LTBP1: variants seen among roughly 807,000 people sequenced by gnomAD.
The protein encoded by LTBP1 is latent-transforming growth factor beta-binding protein 1.
Under a neutral mutation model 207.6 loss-of-function variants are expected in LTBP1, and 129 were observed. That is an observed-to-expected ratio of 0.62 (90% CI 0.54 to 0.72). The LOEUF is 0.72. Ranked by LOEUF, LTBP1 falls within the 30% of genes least tolerant of loss-of-function variation. The probability of loss-of-function intolerance (pLI) is 0.00; values close to 1 mark genes in which losing one functional copy is unlikely to be tolerated. For synonymous variants in LTBP1, 963 were observed against 833.7 expected, an observed-to-expected ratio of 1.16 and a Z score of -2.67; for missense variants, 2,281 against 2,217.2, an observed-to-expected ratio of 1.03 and a Z score of -0.58.
At position 33,363,410 on chromosome 2, in the gene LTBP1, T is replaced by C. The variant is rs370127544; in HGVS notation, c.4291T>C (p.Phe1431Leu). The C allele has an allele frequency of 2.9e-5, 47 of 1,613,710 alleles. No individual in the cohort carries two copies. Among genetic ancestry groups the C allele is most frequent in the Non-Finnish European group, 3.8e-5 (45 of 1,179,754 alleles). ...NYKDADECLLFGQEICKNGFC... is the reference protein window; with the variant it reads ...NYKDADECLLLGQEICKNGFC... ...CGTAGATGCAGATGAATGCCTACTT[T>C]TTGGACAAGAAATCTGCAAAAATGG... The change falls in exon 29 of 34, where the codon TTT (phenylalanine) becomes CTT (leucine). Residue 1431 changes from phenylalanine to leucine, a missense_variant. Phe to Leu is a conservative substitution (Grantham distance 22). Transcript: ENST00000404816.
chr2:33,239,092 A>C (rs1476519499), intron 9 of LTBP1, among the ~76,000 whole-genome samples: 3 of 152,212 alleles, frequency 2.0e-5, no homozygotes, highest in African/African-American at 4.8e-5. Flanking sequence ...TTTAGAAGAA[A>C]AGCAGTTTTG....
chr2:33,095,338 TC>T (rs1471623492), intron 3 of LTBP1, among the ~76,000 whole-genome samples: 1 of 152,288 alleles, frequency 6.6e-6, no homozygotes, highest in East Asian at 1.9e-4. Context: ...TATAAACTCT[TC>T]CCAAATTTCT....
rs1300938977 is a variant in LTBP1 at position 33,299,240 on chromosome 2, C to CAAA, written c.3236-1197_3236-1195dup. Among the ~76,000 whole-genome samples the CAAA allele has an allele frequency of 5.1e-4, 40 of 78,898 alleles. No individual in the cohort carries two copies. In the South Asian group the frequency reaches 0.014, roughly 27 times the overall value. 51.8% of individuals were successfully genotyped at this position (78,898 alleles called of 152,430 possible). A position where few individuals can be genotyped will look rare whatever the true frequency, so the allele number is the denominator to read the frequency against. On this transcript the variant is annotated intron_variant, in intron 20 of 33. Coordinates refer to ENST00000404816, the MANE Select transcript of LTBP1 (RefSeq NM_206943.4). Reference sequence around the variant, plus strand: ...TTGGCGACAGAGCGAGACTCTGTCTCAAAAAAAAAAAAAAAAGAAGTTTGG... The same window carrying CAAA: ...TTGGCGACAGAGCGAGACTCTGTCTCAAAAAAAAAAAAAAAAAAAGAAGTTTGG...
chr2:32,958,693 TTTTTC>T (rs1678493270), intron 2 of LTBP1, among the ~76,000 whole-genome samples: 1 of 152,260 alleles, frequency 6.6e-6, no homozygotes, highest in African/African-American at 2.4e-5. Context: ...GAAAGAATTC[TTTTTC>T]TTTTCTTTGT....
At chr2:33,266,191 T>C (rs1478909227) in intron 15 of LTBP1, among the ~76,000 whole-genome samples, 1 of 152,236 alleles carries the variant, frequency 6.6e-6, no homozygotes, top group Non-Finnish European at 1.5e-5. Context: ...GCCCAAGTGC[T>C]ATTGCAACCC....
In LTBP1 at chr2:33,108,097, C is replaced by T. The variant is rs551350536; in HGVS notation, c.864-2485C>T. Among the ~76,000 whole-genome samples, 76 of 152,248 alleles carry T rather than the reference C, an allele frequency of 5.0e-4. No individual in the cohort carries two copies. The South Asian group carries it at 0.013, about 26-fold the overall frequency. Reference sequence around the variant, plus strand: ...TAGAGGAAACAGTGGACACCAACCACGAAGGAGAAAGTGAGGAAGAGAGTG... The same window carrying T: ...TAGAGGAAACAGTGGACACCAACCATGAAGGAGAAAGTGAGGAAGAGAGTG... On this transcript the variant is annotated intron_variant, in intron 3 of 33. Transcript: ENST00000404816.
chr2:32,971,004 G>T (rs928943813), intron 2 of LTBP1, among the ~76,000 whole-genome samples: 204 of 11,152 alleles, frequency 0.018, 1 homozygote, highest in African/African-American at 0.024. Context: ...CTAGGTATTT[G>T]TGTGTGTGTG....
chr2:33,329,147 C>A (rs1345259624), intron 24 of LTBP1, among the ~76,000 whole-genome samples: 1 of 152,188 alleles, frequency 6.6e-6, no homozygotes, highest in Non-Finnish European at 1.5e-5. Context: ...GGTTAAGAGT[C>A]TCAGATCCAC....
At chr2:33,301,904 A>G (rs2093994754) in intron 22 of LTBP1, among the ~76,000 whole-genome samples, 2 of 152,212 alleles carry the variant, frequency 1.3e-5, no homozygotes, top group Admixed American at 6.5e-5. Context: ...TTTACCAGCT[A>G]TAGATGGTTT....
intron 2 of LTBP1, among the ~76,000 whole-genome samples, chr2:32,954,286 C>A (rs1046572130): frequency 6.6e-6 from 1 of 152,202 alleles, no homozygotes; most frequent in African/African-American, 2.4e-5. Context: ...TCTCGGGCTT[C>A]TGTAACAAGT....
chr2:32,994,093 G>A (rs983000503), intron 2 of LTBP1, among the ~76,000 whole-genome samples: 9 of 151,776 alleles, frequency 5.9e-5, no homozygotes, highest in African/African-American at 9.7e-5. Context: ...TAGTGCCCTC[G>A]TCATTTATTA....
chr2:33,289,494 G>T (rs1478985287), intron 19 of LTBP1, among the ~76,000 whole-genome samples: 2 of 151,974 alleles, frequency 1.3e-5, no homozygotes, highest in African/African-American at 4.8e-5. Context: ...CAAGTAGCTG[G>T]GACTACAGGC....
In LTBP1 at chr2:33,399,317, A is replaced by G. The variant is rs560858655; in HGVS notation, c.*772A>G. The G allele has an allele frequency of 1.7e-4, 26 of 152,326 alleles. No individual in the cohort carries two copies. The highest frequency in any genetic ancestry group is 3.4e-3 in the Middle Eastern group (1 of 294). 9.4% of individuals were successfully genotyped at this position (152,326 alleles called of 1,614,324 possible). A position where few individuals can be genotyped will look rare whatever the true frequency, so the allele number is the denominator to read the frequency against. On this transcript the variant is annotated 3_prime_UTR_variant, in exon 34 of 34. Coordinates refer to ENST00000404816, the MANE Select transcript of LTBP1 (RefSeq NM_206943.4). The stretch of plus-strand genomic sequence containing the variant: ...TTTTAAAAATTTGATGATCCCCAAT[A>G]TATCTACCATTGTATGTTAAATAAA...
chr2:33,385,892 T>A (rs72861492), intron 31 of LTBP1, among the ~76,000 whole-genome samples: 6 of 152,066 alleles, frequency 3.9e-5, no homozygotes, highest in Non-Finnish European at 7.4e-5. Flanking sequence ...TGACCAAAAC[T>A]GTCTTGGAGC....
chr2:33,195,556 T>C (rs1248993067), intron 7 of LTBP1, among the ~76,000 whole-genome samples: 2 of 152,194 alleles, frequency 1.3e-5, no homozygotes, highest in Admixed American at 6.5e-5. Context: ...TGCAATCTCA[T>C]GTTCAAACTT....
chr2:33,351,505 T>C (rs2149832088), intron 26 of LTBP1, among the ~76,000 whole-genome samples: 1 of 152,326 alleles, frequency 6.6e-6, no homozygotes, highest in South Asian at 2.1e-4. Context: ...TTTTAAAAAG[T>C]CTCCTGCAGT....
intron 13 of LTBP1, among the ~76,000 whole-genome samples, chr2:33,261,800 A>C (rs1423522581): frequency 6.6e-6 from 1 of 152,194 alleles, no homozygotes; most frequent in African/African-American, 2.4e-5. Context: ...TTATGATGAG[A>C]TATCCAGGCA....
rs1328612495 is a variant in LTBP1 at position 33,263,764 on chromosome 2, C to T, written c.2617+372C>T. ...GTCAAGAGATCGAGACCATCCTGGCCAACATGGCGAAACCCCGTCTCTACT... is the reference window on the plus strand; with the variant it reads ...GTCAAGAGATCGAGACCATCCTGGCTAACATGGCGAAACCCCGTCTCTACT... On this transcript the variant is annotated intron_variant, in intron 15 of 33. Transcript: ENST00000404816. Among the ~76,000 whole-genome samples, 6 of 146,946 alleles carry T rather than the reference C, an allele frequency of 4.1e-5. No homozygotes were observed. The East Asian group carries it at 8.2e-4, about 20-fold the overall frequency.
intron 3 of LTBP1, among the ~76,000 whole-genome samples, chr2:33,051,626 TC>T: frequency 6.6e-6 from 1 of 152,296 alleles, no homozygotes; most frequent in Middle Eastern, 3.4e-3. Context: ...GGATTTTGTT[TC>T]TGATGGCTCA....
Sources: gnomAD v4.1 joint callset for allele counts (sites outside exome capture counted in the v4.1 genomes callset) on GRCh38, gnomAD v4.1.1 for gene constraint, MANE v1.5 for transcripts, NCBI Gene and HGNC (gene_info 2026-07-23, HGNC 2026-07-21) for gene names.